The following EHD2 variants were observed in gnomAD, a reference collection of about 807,000 sequenced individuals.
EHD2 encodes EH domain containing 2.
Under a neutral mutation model 41.0 loss-of-function variants are expected in EHD2, and 27 were observed. The observed-to-expected ratio is 0.66, with a 90% CI of 0.49 to 0.91. EHD2 has a LOEUF of 0.91. EHD2 is among the 40% of genes least tolerant of loss of function. The pLI is 0.00. For synonymous variants in EHD2, 342 were observed against 341.0 expected (o/e 1.00, Z -0.03); for missense variants, 673 against 773.9 (o/e 0.87, Z 1.55).
intron 3 of EHD2, 45 bp from the exon 4 acceptor site, chr19:47,725,767 C>T (rs2123645318): frequency 4.5e-6 from 7 of 1,539,564 alleles, no homozygotes; most frequent in Non-Finnish European, 6.1e-6. Flanking sequence ...GGGTGGGGGT[C>T]TGATTTCTGC....
chr19:47,741,671 A>T lies in EHD2; in HGVS notation c.*239A>T. ...AGCCTCACGTTCACTTAGGCACATC[A>T]CACACACACTGGCACACGCAGGCAT... On this transcript the variant is annotated 3_prime_UTR_variant, in exon 6 of 6. Transcript: ENST00000263277. This position sits in a 1 kb window ranked among gnomAD's most constrained non-coding sequence, Gnocchi z 4.5. The T allele has an allele frequency of 3.2e-6, 2 of 620,166 alleles. No individual in the cohort carries two copies. Among genetic ancestry groups the T allele is most frequent in the Non-Finnish European group, 5.7e-6 (2 of 348,328 alleles). The allele number at this position is 620,166 out of a possible 1,614,324, so 38.4% of individuals were successfully genotyped here.
chr19:47,733,773 A>AAAAAAAAAAAAAAAAC (rs1568592563), intron 4 of EHD2, among the ~76,000 whole-genome samples: 5 of 149,866 alleles, frequency 3.3e-5, no homozygotes, highest in East Asian at 1.9e-4. Flanking sequence ...AAAAAAAAAA[A>AAAAAAAAAAAAAAAAC]AATCCACTGT....
At chr19:47,731,279 A>AAAAAAATATATAT in intron 4 of EHD2, 2 of 60,928 alleles carry the variant, frequency 3.3e-5, no homozygotes, top group African/African-American at 9.8e-5. Flanking sequence ...AAAAAAAAAA[A>AAAAAAATATATAT]ATATATATAT....
intron 3 of EHD2, among the ~76,000 whole-genome samples, chr19:47,724,171 C>G (rs541733958): frequency 1.3e-5 from 2 of 151,998 alleles, no homozygotes; most frequent in Non-Finnish European, 2.9e-5. Flanking sequence ...CTCTGCCTCC[C>G]AGGCTCAAGC....
intron 5 of EHD2, among the ~76,000 whole-genome samples, chr19:47,738,169 A>ACTGCGC: frequency 6.6e-6 from 1 of 152,066 alleles, no homozygotes; most frequent in Non-Finnish European, 1.5e-5. Flanking sequence ...GGCAGGAGCC[A>ACTGCGC]CCATGCCTGA....
Position 47,716,598 on chromosome 19 carries a change from C to A in EHD2, c.-15C>A. On this transcript the variant is annotated 5_prime_UTR_variant, in exon 2 of 6. Coordinates refer to ENST00000263277, the MANE Select transcript of EHD2 (RefSeq NM_014601.4). ...CACGTCTCTCCGTGAACCCCGTGAGCGGTGTGCAGCCACCATGTTCAGCTG... is the reference window on the plus strand; with the variant it reads ...CACGTCTCTCCGTGAACCCCGTGAGAGGTGTGCAGCCACCATGTTCAGCTG... The A allele has an allele frequency of 6.7e-7, 1 of 1,496,336 alleles. No homozygotes were observed. The highest frequency in any genetic ancestry group is 8.9e-7 in the Non-Finnish European group (1 of 1,124,550). 92.7% of individuals were successfully genotyped at this position (1,496,336 alleles called of 1,614,324 possible). A position where few individuals can be genotyped will look rare whatever the true frequency, so the allele number is the denominator to read the frequency against.
chr19:47,725,117 T>C (rs151116702), intron 3 of EHD2, among the ~76,000 whole-genome samples: 208 of 151,002 alleles, frequency 1.4e-3, no homozygotes, highest in African/African-American at 4.7e-3. Context: ...GCTGGGGTGA[T>C]AGAGGCATGT....
At chr19:47,733,833 T>C (rs1966895221) in intron 4 of EHD2, among the ~76,000 whole-genome samples, 1 of 148,558 alleles carries the variant, frequency 6.7e-6, no homozygotes, top group African/African-American at 2.5e-5. Context: ...AATAACGTCT[T>C]AGTATTGTTC....
At chr19:47,723,597 A>C (rs1167193930) in intron 3 of EHD2, among the ~76,000 whole-genome samples, 1 of 141,558 alleles carries the variant, frequency 7.1e-6, no homozygotes, top group East Asian at 2.2e-4. Context: ...CAGAGGTTGC[A>C]GTGACCTGAG....
At chr19:47,736,293 TG>T in intron 4 of EHD2, 75 bp from the exon 5 acceptor site, 1 of 1,387,566 alleles carries the variant, frequency 7.2e-7, no homozygotes, top group East Asian at 2.6e-5. Flanking sequence ...TCTCTGGGAG[TG>T]GGGCCTGCAG....
intron 4 of EHD2, chr19:47,731,278 A>T (rs1409352812): frequency 1.9e-4 from 7 of 37,460 alleles, no homozygotes; most frequent in Admixed American, 3.0e-4. Flanking sequence ...AAAAAAAAAA[A>T]AATATATATA....
chr19:47,732,076 T>C (rs1452802440), intron 4 of EHD2: 1 of 150,660 alleles, frequency 6.6e-6, no homozygotes, highest in African/African-American at 2.4e-5. Context: ...CGTGATATAC[T>C]GTAATCACGC....
intron 4 of EHD2, among the ~76,000 whole-genome samples, chr19:47,728,072 G>A (rs1168929006): frequency 7.0e-6 from 1 of 143,758 alleles, no homozygotes; most frequent in African/African-American, 2.6e-5. Flanking sequence ...CTCCAGCCTA[G>A]GCGACAGAAC....
At chr19:47,737,231 CA>C (rs34395536) in intron 5 of EHD2, among the ~76,000 whole-genome samples, 11,202 of 64,582 alleles carry the variant, frequency 0.17, 1,178 homozygotes, top group African/African-American at 0.4. Flanking sequence ...GACTCCGTCT[CA>C]AAAAAAAAAA....
chr19:47,734,778 C>T (rs1003980445), intron 4 of EHD2, among the ~76,000 whole-genome samples: 6 of 147,754 alleles, frequency 4.1e-5, no homozygotes, highest in African/African-American at 7.6e-5. Context: ...TAGAGCCGGA[C>T]GGGGTGGCTC....
intron 3 of EHD2, among the ~76,000 whole-genome samples, chr19:47,721,574 A>T (rs1276508001): frequency 1.3e-5 from 2 of 151,738 alleles, no homozygotes; most frequent in Non-Finnish European, 2.9e-5. Context: ...TCGGCCTCCC[A>T]AAGTGTTGGG....
At chr19:47,738,174 G>T (rs542568390) in intron 5 of EHD2, among the ~76,000 whole-genome samples, 1 of 152,040 alleles carries the variant, frequency 6.6e-6, no homozygotes, top group East Asian at 1.9e-4. Flanking sequence ...GAGCCACCAT[G>T]CCTGACCAAG....
In EHD2 at chr19:47,719,994, T is replaced by C. The variant is rs183393821; in HGVS notation, c.502+1388T>C. The stretch of plus-strand genomic sequence containing the variant: ...TGACTTTGTGTATATCTTGGGAAAG[T>C]GTGTCATTATGAGTGTACTCCTGGG... On this transcript the variant is annotated intron_variant, in intron 3 of 5. Transcript: ENST00000263277. This position sits in a 1 kb window ranked among gnomAD's most constrained non-coding sequence, Gnocchi z 4.1. 7.1e-6 allele frequency among the ~76,000 whole-genome samples: 1 copy of C among 140,330 alleles called. No homozygotes were observed. Among genetic ancestry groups the C allele is most frequent in the Non-Finnish European group, 1.5e-5 (1 of 65,694 alleles). 92.1% of individuals were successfully genotyped at this position (140,330 alleles called of 152,430 possible).
chr19:47,718,488 T>G, intron 2 of EHD2, 21 bp from the exon 3 acceptor site: 2 of 1,558,038 alleles, frequency 1.3e-6, no homozygotes, highest in South Asian at 2.4e-5. Flanking sequence ...TGTTGACCCC[T>G]GACCCTCCCT....
Sources: allele counts gnomAD v4.1 joint callset (sites outside exome capture counted in the v4.1 genomes callset), GRCh38; gene constraint gnomAD v4.1.1; non-coding constraint Gnocchi (gnomAD v3.1); transcripts MANE v1.5; gene names NCBI Gene and HGNC (gene_info 2026-07-23, HGNC 2026-07-21).